CAMTA1: variants seen among roughly 807,000 people sequenced by gnomAD.
The protein encoded by CAMTA1 is calmodulin-binding transcription activator 1.
CAMTA1 carries 27 observed loss-of-function variants against 170.9 expected under a neutral mutation model. The ratio of observed to expected loss-of-function variants is 0.16; its 90% confidence interval spans 0.12 to 0.22. The LOEUF (loss-of-function observed/expected upper bound fraction) is 0.22. Among genes scored for constraint, CAMTA1 ranks in the 10% least tolerant of loss-of-function variants. The pLI, the probability that CAMTA1 is intolerant of heterozygous loss-of-function variation, is 1.00. For synonymous variants in CAMTA1, 833 were observed against 891.5 expected (o/e 0.93, Z 1.17); for missense variants, 1,619 against 2,217.2 (o/e 0.73, Z 5.42).
intron 4 of CAMTA1, among the ~76,000 whole-genome samples, chr1:7,213,249 C>A (rs1659108053): frequency 6.6e-6 from 1 of 152,204 alleles, no homozygotes; most frequent in Admixed American, 6.5e-5. Context: ...GACCCCATTT[C>A]TCTGCATCCT....
intron 2 of CAMTA1, among the ~76,000 whole-genome samples, chr1:6,823,712 C>A (rs1646787386): frequency 6.6e-6 from 1 of 151,934 alleles, no homozygotes; most frequent in African/African-American, 2.4e-5. Context: ...GATTTTGTGA[C>A]CTTAGAAAAT....
At chr1:7,240,932 A>T (rs1197818643) in intron 4 of CAMTA1, among the ~76,000 whole-genome samples, 3 of 152,202 alleles carry the variant, frequency 2.0e-5, no homozygotes, top group Non-Finnish European at 4.4e-5. Context: ...CTTCTATTCA[A>T]CATTGGACTG....
chr1:7,657,924 C>T (rs1025538584), intron 7 of CAMTA1, among the ~76,000 whole-genome samples: 8 of 152,220 alleles, frequency 5.3e-5, no homozygotes, highest in Non-Finnish European at 1.0e-4. Context: ...AGGAGGAGAA[C>T]AAGAGGCAGA....
intron 4 of CAMTA1, among the ~76,000 whole-genome samples, chr1:7,161,846 G>C (rs2148765532): frequency 6.6e-6 from 1 of 152,312 alleles, no homozygotes; most frequent in East Asian, 1.9e-4. Flanking sequence ...GACAGCCACT[G>C]GGGAAAGGCA....
intron 3 of CAMTA1, among the ~76,000 whole-genome samples, chr1:7,080,367 GC>G (rs1275964777): frequency 6.6e-6 from 1 of 152,112 alleles, no homozygotes; most frequent in Non-Finnish European, 1.5e-5. Context: ...GATCTGGCTG[GC>G]ATCTAGGAAA....
chr1:7,499,517 G>GCA (rs2093934702), intron 6 of CAMTA1, among the ~76,000 whole-genome samples: 2 of 118,368 alleles, frequency 1.7e-5, no homozygotes, highest in Non-Finnish European at 1.7e-5. Flanking sequence ...GTGTGCATGT[G>GCA]TATGTATATG....
chr1:7,161,339 C>G (rs1647200691), intron 4 of CAMTA1, among the ~76,000 whole-genome samples: 2 of 152,172 alleles, frequency 1.3e-5, no homozygotes, highest in Admixed American at 1.3e-4. Context: ...GCTTCACAGT[C>G]ACGCCACCCA....
intron 4 of CAMTA1, among the ~76,000 whole-genome samples, chr1:7,166,423 C>G (rs1648445208): frequency 6.6e-6 from 1 of 152,186 alleles, no homozygotes; most frequent in South Asian, 2.1e-4. Context: ...AGTACCTATA[C>G]CTTCAGCGAT....
chr1:7,001,352 C>A (rs1390962648), intron 3 of CAMTA1, among the ~76,000 whole-genome samples: 1 of 152,190 alleles, frequency 6.6e-6, no homozygotes, highest in African/African-American at 2.4e-5. Flanking sequence ...ACCTCTGAAT[C>A]CCATCTCTTA....
chr1:7,637,358 C>T (rs1037932528), intron 6 of CAMTA1, among the ~76,000 whole-genome samples: 9 of 152,218 alleles, frequency 5.9e-5, no homozygotes, highest in Non-Finnish European at 1.2e-4. Context: ...GCCTGCTGGC[C>T]CCTGCAGTCC....
At chr1:7,498,390 TGA>T (rs1257327837) in intron 6 of CAMTA1, among the ~76,000 whole-genome samples, 5 of 150,924 alleles carry the variant, frequency 3.3e-5, no homozygotes, top group East Asian at 2.0e-4. Context: ...TGGATGTGTG[TGA>T]GTGAATGTGT....
At chr1:7,244,835 A>G (rs1184836845) in intron 4 of CAMTA1, among the ~76,000 whole-genome samples, 1 of 152,182 alleles carries the variant, frequency 6.6e-6, no homozygotes, top group East Asian at 1.9e-4. Context: ...TGGCACATGT[A>G]TACATATGTA....
intron 3 of CAMTA1, among the ~76,000 whole-genome samples, chr1:6,892,196 T>G (rs1171553540): frequency 6.6e-6 from 1 of 152,176 alleles, no homozygotes; most frequent in Non-Finnish European, 1.5e-5. Context: ...TTTACTAAAT[T>G]TTGTGAGATC....
intron 3 of CAMTA1, among the ~76,000 whole-genome samples, chr1:6,839,838 G>A (rs1158097587): frequency 6.6e-6 from 1 of 152,184 alleles, no homozygotes; most frequent in Non-Finnish European, 1.5e-5. Context: ...GAACAGTGTG[G>A]GGATCTGGCA....
chr1:6,816,343 T>C (rs933343844), intron 1 of CAMTA1, among the ~76,000 whole-genome samples: 1 of 152,196 alleles, frequency 6.6e-6, no homozygotes, highest in Non-Finnish European at 1.5e-5. Flanking sequence ...CTAGAATGTA[T>C]CTCCAAGAGG....
rs569084310 is a variant in CAMTA1, at chr1:7,592,596, T to C, written c.511-47804T>C. Among the ~76,000 whole-genome samples, 1 of 152,164 alleles carries C rather than the reference T, an allele frequency of 6.6e-6. No individual in the cohort carries two copies. Reference sequence around the variant, plus strand: ...GGGCCGTGGGAAAGACCTGCTGTCCTGCAAGCCACCTACCAGTGCGGAATG... The same window carrying C: ...GGGCCGTGGGAAAGACCTGCTGTCCCGCAAGCCACCTACCAGTGCGGAATG... On this transcript the variant is annotated intron_variant, in intron 6 of 22. Transcript: ENST00000303635. This position sits in a 1 kb window ranked among gnomAD's most constrained non-coding sequence, Gnocchi z 4.6.
chr1:7,361,096 G>A lies in CAMTA1; in HGVS notation c.439-106734G>A, dbSNP rs553388115. Among the ~76,000 whole-genome samples the A allele has an allele frequency of 2.1e-4, 32 of 152,334 alleles. 1 individual carries two copies. Among genetic ancestry groups the A allele is most frequent in the African/African-American group, 6.5e-4 (27 of 41,582 alleles). On this transcript the variant is annotated intron_variant, in intron 5 of 22. Coordinates refer to ENST00000303635, the MANE Select transcript of CAMTA1 (RefSeq NM_015215.4). Reference sequence around the variant, plus strand: ...AGAAGCTCAGTTTGGCTCTTCCGTTGCTGCCGGCCTGCCTGGCCAATGGGC... The same window carrying A: ...AGAAGCTCAGTTTGGCTCTTCCGTTACTGCCGGCCTGCCTGGCCAATGGGC...
chr1:7,465,314 C>G (rs979521617), intron 5 of CAMTA1, among the ~76,000 whole-genome samples: 1 of 152,218 alleles, frequency 6.6e-6, no homozygotes, highest in Admixed American at 6.5e-5. Context: ...CTGAGCCAGG[C>G]AGCATGGAAG....
At chr1:7,105,583 A>G (rs940543934) in intron 4 of CAMTA1, among the ~76,000 whole-genome samples, 2 of 152,204 alleles carry the variant, frequency 1.3e-5, no homozygotes, top group Admixed American at 6.5e-5. Flanking sequence ...ACAGTTTATT[A>G]TTAACATTAG....
Sources: gnomAD v4.1 joint callset for allele counts (sites outside exome capture counted in the v4.1 genomes callset) on GRCh38, gnomAD v4.1.1 for gene constraint, Gnocchi (gnomAD v3.1) non-coding constraint, MANE v1.5 for transcripts, NCBI Gene and HGNC (gene_info 2026-07-23, HGNC 2026-07-21) for gene names.